DYNC1LI1: variants seen among roughly 807,000 people sequenced by gnomAD.
DYNC1LI1 encodes cytoplasmic dynein 1 light intermediate chain 1.
In DYNC1LI1, 19 loss-of-function variants were observed where a neutral mutation model predicts 63.8. That is an observed-to-expected ratio of 0.30 (90% CI 0.21 to 0.44). The LOEUF (loss-of-function observed/expected upper bound fraction) is 0.44, where lower values mean the gene tolerates loss of function less well. Among genes scored for constraint, DYNC1LI1 ranks in the 20% least tolerant of loss-of-function variants. The probability of loss-of-function intolerance (pLI) is 1.00; values close to 1 mark genes in which losing one functional copy is unlikely to be tolerated. For synonymous variants in DYNC1LI1, 225 were observed against 232.3 expected (o/e 0.97, Z 0.28); for missense variants, 565 against 630.2 (o/e 0.90, Z 1.11).
At chr3:32,533,876 TC>T (rs1697738276) in intron 7 of DYNC1LI1, among the ~76,000 whole-genome samples, 1 of 115,608 alleles carries the variant, frequency 8.6e-6, no homozygotes, top group Non-Finnish European at 1.9e-5. Context: ...CAGGTAACTT[TC>T]TTTTTTTTTT....
At chr3:32,551,590 G>A (rs1289653133) in intron 2 of DYNC1LI1, among the ~76,000 whole-genome samples, 1 of 152,146 alleles carries the variant, frequency 6.6e-6, no homozygotes, top group Non-Finnish European at 1.5e-5. Context: ...AAGTTTAGGA[G>A]TAAAGAGACA....
At chr3:32,533,425 C>T (rs925931624) in intron 7 of DYNC1LI1, among the ~76,000 whole-genome samples, 3 of 152,048 alleles carry the variant, frequency 2.0e-5, no homozygotes, top group South Asian at 2.1e-4. Flanking sequence ...TGAAGTGAGC[C>T]GAGATCGCAC....
intron 3 of DYNC1LI1, chr3:32,545,582 G>T (rs1024834837): frequency 2.4e-6 from 1 of 421,584 alleles, no homozygotes; most frequent in Non-Finnish European, 4.2e-6. Flanking sequence ...CTATCTGAGG[G>T]AAGATGAACT....
At chr3:32,567,093 T>C (rs989630367) in intron 2 of DYNC1LI1, among the ~76,000 whole-genome samples, 3 of 152,250 alleles carry the variant, frequency 2.0e-5, no homozygotes, top group African/African-American at 7.2e-5. Flanking sequence ...AGTACTTTTG[T>C]TCAAAGACAG....
intron 7 of DYNC1LI1, 135 bp downstream of exon 7, chr3:32,534,376 A>T (rs987967683): frequency 6.0e-6 from 4 of 662,660 alleles, no homozygotes; most frequent in African/African-American, 1.9e-5. Flanking sequence ...AACAAAAAAC[A>T]ATCTAGGAAC....
intron 3 of DYNC1LI1, chr3:32,545,329 G>T: frequency 1.8e-6 from 1 of 561,550 alleles, no homozygotes; most frequent in Non-Finnish European, 3.2e-6. Context: ...TTATCTAAAG[G>T]CCTAAAATGA....
chr3:32,550,731 C>T (rs1413333116), intron 2 of DYNC1LI1, among the ~76,000 whole-genome samples: 1 of 152,062 alleles, frequency 6.6e-6, no homozygotes, highest in African/African-American at 2.4e-5. Flanking sequence ...TGGGACCCAC[C>T]CCCTTAGTTT....
chr3:32,552,596 T>C (rs953540622), intron 2 of DYNC1LI1, among the ~76,000 whole-genome samples: 1 of 152,184 alleles, frequency 6.6e-6, no homozygotes, highest in African/African-American at 2.4e-5. Flanking sequence ...AAAATAGGCA[T>C]TTCTATTTTG....
intron 2 of DYNC1LI1, among the ~76,000 whole-genome samples, chr3:32,556,263 G>C (rs1262231333): frequency 1.3e-5 from 2 of 152,158 alleles, no homozygotes; most frequent in Non-Finnish European, 2.9e-5. Flanking sequence ...GTTTGGTTAA[G>C]TGCCCTCTTT....
rs531464290 is a variant in DYNC1LI1, at chr3:32,566,523, C to T, written c.220+3823G>A. Reference sequence around the variant, plus strand: ...TGGGAGGCCAAGGCGGGTAGATCACCTGAGGTCAGGAGTTCGAGACCAGCC... The same window carrying T: ...TGGGAGGCCAAGGCGGGTAGATCACTTGAGGTCAGGAGTTCGAGACCAGCC... On this transcript the variant is annotated intron_variant, in intron 2 of 12. Transcript: ENST00000273130. The T allele has an allele frequency of 1.0e-3, 207 of 202,738 alleles. 1 individual carries two copies. The highest frequency in any genetic ancestry group is 2.0e-3 in the Non-Finnish European group (195 of 96,362). 12.6% of individuals were successfully genotyped at this position (202,738 alleles called of 1,614,324 possible). A position where few individuals can be genotyped will look rare whatever the true frequency, so the allele number is the denominator to read the frequency against.
At chr3:32,558,205 C>A (rs1053191054) in intron 2 of DYNC1LI1, among the ~76,000 whole-genome samples, 1 of 151,984 alleles carries the variant, frequency 6.6e-6, no homozygotes, top group African/African-American at 2.4e-5. Context: ...TGCTCTCCAG[C>A]CTGGGCAACA....
intron 8 of DYNC1LI1, chr3:32,530,977 T>C (rs904497718): frequency 6.5e-6 from 1 of 153,778 alleles, no homozygotes; most frequent in African/African-American, 2.4e-5. Flanking sequence ...TTAAGTGAAA[T>C]GCAACTTCTC....
intron 9 of DYNC1LI1, 52 bp downstream of exon 9, chr3:32,530,409 G>A (rs1217661885): frequency 1.3e-6 from 2 of 1,597,488 alleles, no homozygotes; most frequent in Non-Finnish European, 1.7e-6. Context: ...ATACACACAA[G>A]AACAGTTTAC....
At chr3:32,544,167 C>T (rs1382508131) in intron 4 of DYNC1LI1, among the ~76,000 whole-genome samples, 2 of 152,114 alleles carry the variant, frequency 1.3e-5, no homozygotes, top group African/African-American at 2.4e-5. Flanking sequence ...TAGGCATGTA[C>T]AAAATATGTA....
rs927625530 is a variant in DYNC1LI1 at position 32,526,826 on chromosome 3, T to C, written c.1545A>G (p.Thr515=). 6.2e-7 allele frequency: 1 copy of C among 1,613,440 alleles called. No homozygotes were observed. The highest frequency in any genetic ancestry group is 1.1e-5 in the South Asian group (1 of 91,072). Residue 515 remains threonine (T), a synonymous_variant, in exon 13 of 13, where the codon ACA becomes ACG. Transcript: ENST00000273130. ...KPVTVSPTTP[T]SPTEGEAS is the part of the protein sequence containing the mutation. ...AAGAAGCTTCTCCTTCCGTAGGAGA[T>C]GTAGGTGTTGTGGGAGAAACTGTAA...
At position 32,570,198 on chromosome 3, in the gene DYNC1LI1, T is replaced by A. The variant is rs1384640940; in HGVS notation, c.220+148A>T. On this transcript the variant is annotated intron_variant, in intron 2 of 12. Transcript: ENST00000273130. ...TCAAGGGTCTCGTGTTCCCCTTCTCTCCCAGCCATCCGCGACAGGTCGGGA... is the reference window on the plus strand; with the variant it reads ...TCAAGGGTCTCGTGTTCCCCTTCTCACCCAGCCATCCGCGACAGGTCGGGA... 13 of 752,860 alleles carry A rather than the reference T, an allele frequency of 1.7e-5. No individual in the cohort carries two copies. In the East Asian group the frequency reaches 3.5e-4, roughly 20 times the overall value. The allele number at this position is 752,860 out of a possible 1,614,324, so 46.6% of individuals were successfully genotyped here.
In DYNC1LI1 at chr3:32,553,944, C is replaced by A. The variant is rs530651839; in HGVS notation, c.221-7979G>T. ...GTTTGGGAGCCATGGTGGCTCAGGG[C>A]TGTTGTCCTGGTGCATAAGGAGGCA... On this transcript the variant is annotated intron_variant, in intron 2 of 12. Transcript: ENST00000273130. Among the ~76,000 whole-genome samples the A allele has an allele frequency of 2.0e-5, 3 of 152,352 alleles. No individual in the cohort carries two copies. The East Asian group carries it at 5.8e-4, about 29-fold the overall frequency.
Position 32,526,056 on chromosome 3 carries a change from C to T in DYNC1LI1, c.*743G>A, listed in dbSNP as rs970559439. On this transcript the variant is annotated 3_prime_UTR_variant, in exon 13 of 13. Coordinates refer to ENST00000273130, the MANE Select transcript of DYNC1LI1 (RefSeq NM_016141.4). ...AAACAAAAAAGGGGGTATATTAAGG[C>T]AAAGCCATATATATATATATATATG... 2 of 150,022 alleles carry T rather than the reference C, an allele frequency of 1.3e-5. No homozygotes were observed. The highest frequency in any genetic ancestry group is 3.0e-5 in the Non-Finnish European group (2 of 67,660). The allele number at this position is 150,022 out of a possible 1,614,324, so 9.3% of individuals were successfully genotyped here. A position where few individuals can be genotyped will look rare whatever the true frequency, so the allele number is the denominator to read the frequency against.
chr3:32,566,830 T>C, intron 2 of DYNC1LI1: 1 of 317,366 alleles, frequency 3.2e-6, no homozygotes, highest in Non-Finnish European at 6.2e-6. Context: ...AATGCAGTTC[T>C]TAAAAAAACA....
Sources: gnomAD v4.1 joint callset for allele counts (sites outside exome capture counted in the v4.1 genomes callset) on GRCh38, gnomAD v4.1.1 for gene constraint, MANE v1.5 for transcripts, NCBI Gene and HGNC (gene_info 2026-07-23, HGNC 2026-07-21) for gene names.